SPHKAP: variants seen among roughly 807,000 people sequenced by gnomAD.
SPHKAP encodes A-kinase anchor protein SPHKAP.
Under a neutral mutation model 137.5 loss-of-function variants are expected in SPHKAP, and 67 were observed. The observed-to-expected ratio is 0.49, with a 90% confidence interval of 0.40 to 0.60. The LOEUF (loss-of-function observed/expected upper bound fraction) is 0.60. Ranked by LOEUF, SPHKAP falls within the 20% of genes least tolerant of loss-of-function variation. SPHKAP has a pLI of 0.00. For synonymous variants in SPHKAP, 813 were observed against 785.3 expected, an observed-to-expected ratio of 1.04 and a Z score of -0.59; for missense variants, 2,097 against 2,069.3, an observed-to-expected ratio of 1.01 and a Z score of -0.26.
intron 3 of SPHKAP, among the ~76,000 whole-genome samples, chr2:228,030,916 G>A (rs770719363): frequency 2.0e-5 from 3 of 152,098 alleles, no homozygotes; most frequent in Non-Finnish European, 2.9e-5. Context: ...CAAGATGGCC[G>A]AATAGGAACA....
chr2:228,124,002 A>G (rs1698995435), intron 2 of SPHKAP, among the ~76,000 whole-genome samples: 2 of 152,060 alleles, frequency 1.3e-5, no homozygotes, highest in Non-Finnish European at 2.9e-5. Flanking sequence ...ATCACTGGCC[A>G]TCAGAGAAAT....
rs373607758 is a variant in SPHKAP, at chr2:228,018,604, G to A, written c.2250C>T (p.Ser750=). 8 of 1,613,960 alleles carry A rather than the reference G, an allele frequency of 5.0e-6. No homozygotes were observed. The highest frequency in any genetic ancestry group is 5.9e-6 in the Non-Finnish European group (7 of 1,179,978). The change falls in exon 7 of 12, where the codon AGC becomes AGT. Residue 750 remains serine, a synonymous_variant. Coordinates refer to ENST00000392056, the MANE Select transcript of SPHKAP (RefSeq NM_001142644.2). ...TAGCACCCGGATCAGATGGCTGGCA[G>A]CTTGGTTCTGTCTCCCTCCTTCTGA... ...ETIRRRETEP[S]CQPSDPGASQ...
intron 7 of SPHKAP, among the ~76,000 whole-genome samples, chr2:228,005,731 G>T (rs11897689): frequency 0.2 from 30,143 of 152,028 alleles, 3,331 homozygotes; most frequent in East Asian, 0.39. Flanking sequence ...AGGAGCTCTT[G>T]TAGGGCAGGC....
At chr2:228,110,805 G>A (rs1017917728) in intron 2 of SPHKAP, among the ~76,000 whole-genome samples, 8 of 152,016 alleles carry the variant, frequency 5.3e-5, no homozygotes, top group Non-Finnish European at 8.8e-5. Flanking sequence ...CACTCTTCTC[G>A]CTAAAGGGTT....
chr2:228,092,511 TATGTGCCA>T (rs1201929816), intron 3 of SPHKAP, among the ~76,000 whole-genome samples: 3 of 72,180 alleles, frequency 4.2e-5, no homozygotes, highest in Non-Finnish European at 8.3e-5. Context: ...TGTATACATA[TATGTGCCA>T]TATATATGTA....
intron 7 of SPHKAP, among the ~76,000 whole-genome samples, chr2:228,009,661 C>A (rs1244679263): frequency 1.3e-5 from 2 of 152,008 alleles, no homozygotes; most frequent in African/African-American, 4.8e-5. Context: ...ATTTTGTTGT[C>A]TTTTCTTTAA....
intron 3 of SPHKAP, among the ~76,000 whole-genome samples, chr2:228,075,990 T>G (rs778512083): frequency 7.9e-5 from 12 of 152,118 alleles, no homozygotes; most frequent in Non-Finnish European, 1.8e-4. Context: ...AGGAACACAG[T>G]GGGAGGTGAT....
At chr2:228,119,285 C>T (rs899379466) in intron 2 of SPHKAP, among the ~76,000 whole-genome samples, 13 of 152,068 alleles carry the variant, frequency 8.5e-5, no homozygotes, top group African/African-American at 2.4e-4. Flanking sequence ...ATCTTTTATC[C>T]TTCATTGAAA....
intron 2 of SPHKAP, among the ~76,000 whole-genome samples, chr2:228,121,327 T>G (rs541103041): frequency 1.3e-5 from 2 of 152,124 alleles, no homozygotes; most frequent in African/African-American, 4.8e-5. Context: ...CTGAGCAATA[T>G]TGTGAAACCC....
chr2:228,000,459 A>G (rs1329047108), intron 7 of SPHKAP, among the ~76,000 whole-genome samples: 1 of 152,034 alleles, frequency 6.6e-6, no homozygotes, highest in Admixed American at 6.6e-5. Flanking sequence ...TCTACTAAAT[A>G]TACAAAAAAT....
chr2:228,149,510 CA>C (rs1005193100), intron 1 of SPHKAP, among the ~76,000 whole-genome samples: 2 of 152,126 alleles, frequency 1.3e-5, no homozygotes, highest in Non-Finnish European at 2.9e-5. Flanking sequence ...AGTAAAATAT[CA>C]GAGACATAAA....
intron 1 of SPHKAP, among the ~76,000 whole-genome samples, chr2:228,142,163 G>C (rs926734401): frequency 2.0e-5 from 3 of 152,168 alleles, no homozygotes; most frequent in Non-Finnish European, 4.4e-5. Flanking sequence ...AAGTGAAGGG[G>C]AGTAAAAGAG....
At chr2:228,062,053 G>T (rs1413343872) in intron 3 of SPHKAP, among the ~76,000 whole-genome samples, 1 of 151,878 alleles carries the variant, frequency 6.6e-6, no homozygotes, top group East Asian at 1.9e-4. Flanking sequence ...ACAATTGGAT[G>T]ATTTCATACA....
chr2:228,022,017 C>T (rs1328290974), intron 5 of SPHKAP, 51 bp from the exon 6 acceptor site: 2 of 1,516,958 alleles, frequency 1.3e-6, no homozygotes, highest in African/African-American at 1.4e-5. Flanking sequence ...AAATAAAAGA[C>T]TATTGCCTCT....
At chr2:228,155,609 T>C (rs1231321081) in intron 1 of SPHKAP, among the ~76,000 whole-genome samples, 3 of 152,178 alleles carry the variant, frequency 2.0e-5, no homozygotes, top group Non-Finnish European at 4.4e-5. Context: ...TTCCTCATTA[T>C]TAGGACAATA....
At chr2:228,080,225 G>A (rs759037802) in intron 3 of SPHKAP, among the ~76,000 whole-genome samples, 114 of 152,222 alleles carry the variant, frequency 7.5e-4, no homozygotes, top group South Asian at 2.7e-3. Flanking sequence ...CAGATCATGC[G>A]TCTAATGGGG....
chr2:228,089,307 GATGTAGGGTATCTGACA>G (rs1697643354), intron 3 of SPHKAP, among the ~76,000 whole-genome samples: 1 of 152,232 alleles, frequency 6.6e-6, no homozygotes, highest in African/African-American at 2.4e-5. Context: ...TAAGAGTGAT[GATGTAGGGTATCTGACA>G]GAAGAAATTT....
chr2:228,169,225 GGCTTCAATAA>G (rs1700509634), intron 1 of SPHKAP, among the ~76,000 whole-genome samples: 1 of 152,118 alleles, frequency 6.6e-6, no homozygotes, highest in African/African-American at 2.4e-5. Context: ...TGATGAAGGT[GGCTTCAATAA>G]ACAACAGATT....
chr2:228,004,689 C>T (rs959703951), intron 7 of SPHKAP, among the ~76,000 whole-genome samples: 5 of 152,022 alleles, frequency 3.3e-5, no homozygotes, highest in Non-Finnish European at 7.4e-5. Context: ...CTCTTGTGGG[C>T]ATTTAGTGGT....
Sources: gnomAD v4.1 joint callset for allele counts (sites outside exome capture counted in the v4.1 genomes callset) on GRCh38, gnomAD v4.1.1 for gene constraint, MANE v1.5 for transcripts, NCBI Gene and HGNC (gene_info 2026-07-23, HGNC 2026-07-21) for gene names.